HS6ST3: variants seen among roughly 807,000 people sequenced by gnomAD.
The protein encoded by HS6ST3 is heparan sulfate 6-O-sulfotransferase 3.
A neutral mutation model predicts 36.7 loss-of-function variants in HS6ST3; 12 were observed. The observed-to-expected ratio is 0.33, with a 90% CI of 0.21 to 0.53. HS6ST3 has a LOEUF of 0.53. Among genes scored for constraint, HS6ST3 ranks in the 20% least tolerant of loss-of-function variants. The probability of loss-of-function intolerance (pLI) is 0.95; values close to 1 mark genes in which losing one functional copy is unlikely to be tolerated. For synonymous variants in HS6ST3, 240 were observed against 257.5 expected (o/e 0.93, Z 0.65); for missense variants, 584 against 640.9 (o/e 0.91, Z 0.96).
intron 1 of HS6ST3, among the ~76,000 whole-genome samples, chr13:96,234,382 C>T (rs1220402448): frequency 6.6e-6 from 1 of 152,000 alleles, no homozygotes; most frequent in African/African-American, 2.4e-5. Flanking sequence ...GGTGACAGAG[C>T]AAGACTCTGT....
chr13:96,545,100 T>A (rs1450309265), intron 1 of HS6ST3, among the ~76,000 whole-genome samples: 2 of 152,178 alleles, frequency 1.3e-5, no homozygotes, highest in Non-Finnish European at 2.9e-5. Context: ...GCTATCTAAG[T>A]CTTGCTGGCA....
At chr13:96,265,289 C>A (rs1485089371) in intron 1 of HS6ST3, among the ~76,000 whole-genome samples, 1 of 152,112 alleles carries the variant, frequency 6.6e-6, no homozygotes, top group Non-Finnish European at 1.5e-5. Flanking sequence ...ATCCTCCCAC[C>A]TGAGCCTCAC....
At chr13:96,444,772 T>C (rs976462910) in intron 1 of HS6ST3, among the ~76,000 whole-genome samples, 4 of 152,236 alleles carry the variant, frequency 2.6e-5, no homozygotes, top group Non-Finnish European at 4.4e-5. Context: ...GTTACTATGC[T>C]ATTTATATAT....
chr13:96,762,822 T>C (rs1197439457), intron 1 of HS6ST3, among the ~76,000 whole-genome samples: 1 of 152,230 alleles, frequency 6.6e-6, no homozygotes, highest in East Asian at 1.9e-4. Context: ...TAAATTTATC[T>C]TGAGGCTGAC....
chr13:96,409,794 G>T (rs2055498117), intron 1 of HS6ST3, among the ~76,000 whole-genome samples: 1 of 152,100 alleles, frequency 6.6e-6, no homozygotes, highest in Non-Finnish European at 1.5e-5. Context: ...CACAAAATCT[G>T]TGAGGCCTGA....
intron 1 of HS6ST3, among the ~76,000 whole-genome samples, chr13:96,534,899 G>T (rs1440610833): frequency 6.6e-6 from 1 of 152,214 alleles, no homozygotes; most frequent in African/African-American, 2.4e-5. Context: ...GGCAGAGGTT[G>T]CTGTGAGCAG....
intron 1 of HS6ST3, among the ~76,000 whole-genome samples, chr13:96,562,611 C>T (rs1342963135): frequency 2.0e-5 from 3 of 151,992 alleles, no homozygotes; most frequent in Admixed American, 1.3e-4. Context: ...TGCTCTTGAC[C>T]ATTCAGATTT....
At chr13:96,643,882 A>G (rs1284450311) in intron 1 of HS6ST3, among the ~76,000 whole-genome samples, 2 of 151,984 alleles carry the variant, frequency 1.3e-5, no homozygotes, top group African/African-American at 4.8e-5. Flanking sequence ...GCAAGTTAAA[A>G]TAACATACAA....
At chr13:96,321,367 C>T (rs931093160) in intron 1 of HS6ST3, among the ~76,000 whole-genome samples, 17 of 152,024 alleles carry the variant, frequency 1.1e-4, no homozygotes, top group African/African-American at 3.9e-4. Flanking sequence ...TATTCTTGCC[C>T]CTCATGTCCT....
chr13:96,717,334 A>G (rs1271813235), intron 1 of HS6ST3, among the ~76,000 whole-genome samples: 2 of 152,170 alleles, frequency 1.3e-5, no homozygotes, highest in Non-Finnish European at 2.9e-5. Flanking sequence ...CTCTTCTAGA[A>G]TTGATAAATT....
chr13:96,415,634 T>C (rs1185372220), intron 1 of HS6ST3, among the ~76,000 whole-genome samples: 1 of 152,164 alleles, frequency 6.6e-6, no homozygotes, highest in Non-Finnish European at 1.5e-5. Context: ...TGATTGGCTT[T>C]AGAAAATAAT....
intron 1 of HS6ST3, among the ~76,000 whole-genome samples, chr13:96,174,703 A>G (rs748664174): frequency 2.0e-5 from 3 of 152,230 alleles, no homozygotes; most frequent in Non-Finnish European, 1.5e-5. Flanking sequence ...CTGAAAACCA[A>G]TAAGGAACAT....
chr13:96,624,370 A>G lies in HS6ST3; in HGVS notation c.708-208120A>G, dbSNP rs575880429. Among the ~76,000 whole-genome samples the G allele has an allele frequency of 2.0e-5, 3 of 152,094 alleles. No individual in the cohort carries two copies. The East Asian group carries it at 5.8e-4, about 29-fold the overall frequency. ...ACATACATATGTAACCATAAACCAT[A>G]TATTTTTTTTAGTTTTGCCTAGATT... On this transcript the variant is annotated intron_variant, in intron 1 of 1. Transcript: ENST00000376705.
At chr13:96,508,294 C>G (rs1294689170) in intron 1 of HS6ST3, among the ~76,000 whole-genome samples, 1 of 151,658 alleles carries the variant, frequency 6.6e-6, no homozygotes, top group African/African-American at 2.4e-5. Context: ...ATTTTTTTTG[C>G]CTTTATTTAT....
chr13:96,785,576 T>C (rs755196516), intron 1 of HS6ST3, among the ~76,000 whole-genome samples: 7 of 152,150 alleles, frequency 4.6e-5, no homozygotes, highest in Non-Finnish European at 8.8e-5. Flanking sequence ...ACCAAAGGCT[T>C]TCATTGTGCC....
intron 1 of HS6ST3, among the ~76,000 whole-genome samples, chr13:96,118,242 G>A (rs771522250): frequency 2.6e-5 from 4 of 152,072 alleles, no homozygotes; most frequent in African/African-American, 4.8e-5. Flanking sequence ...ATTGGGGTGG[G>A]TCCTAATTCG....
At chr13:96,627,292 G>C (rs1227431252) in intron 1 of HS6ST3, among the ~76,000 whole-genome samples, 1 of 151,978 alleles carries the variant, frequency 6.6e-6, no homozygotes, top group East Asian at 1.9e-4. Context: ...AAACGATCAA[G>C]TTTTTCTCCT....
At chr13:96,738,853 T>G (rs1876356794) in intron 1 of HS6ST3, among the ~76,000 whole-genome samples, 1 of 152,188 alleles carries the variant, frequency 6.6e-6, no homozygotes, top group Admixed American at 6.5e-5. Context: ...CTCTTTTTCT[T>G]GACTCTCTTT....
intron 1 of HS6ST3, among the ~76,000 whole-genome samples, chr13:96,636,896 G>A (rs551815576): frequency 2.0e-5 from 3 of 151,904 alleles, no homozygotes; most frequent in East Asian, 1.9e-4. Flanking sequence ...AATCATATTC[G>A]GCTTTAGGGA....
Sources: gnomAD v4.1 joint callset for allele counts (sites outside exome capture counted in the v4.1 genomes callset) on GRCh38, gnomAD v4.1.1 for gene constraint, MANE v1.5 for transcripts, NCBI Gene and HGNC (gene_info 2026-07-23, HGNC 2026-07-21) for gene names.